Variants in SCN11A observed in about 807,000 individuals in gnomAD.
SCN11A encodes sodium voltage-gated channel alpha subunit 11, also known as sodium channel protein type 11 subunit alpha.
A neutral mutation model predicts 162.2 loss-of-function variants in SCN11A; 122 were observed. The ratio of observed to expected loss-of-function variants is 0.75; its 90% CI spans 0.65 to 0.87. The LOEUF (loss-of-function observed/expected upper bound fraction) is 0.87. SCN11A is among the 40% of genes least tolerant of loss of function. SCN11A has a pLI of 0.00. For synonymous variants in SCN11A, 758 were observed against 751.5 expected, an observed-to-expected ratio of 1.01 and a Z score of -0.14; for missense variants, 2,015 against 2,181.6, an observed-to-expected ratio of 0.92 and a Z score of 1.52.
chr3:38,870,080 T>C (rs769206368), intron 26 of SCN11A, among the ~76,000 whole-genome samples: 11 of 152,208 alleles, frequency 7.2e-5, no homozygotes, highest in Non-Finnish European at 1.3e-4. Flanking sequence ...GCTTACTCTA[T>C]GGCTTTGGGA....
chr3:39,003,557 T>C (rs112757726), intron 2 of SCN11A, among the ~76,000 whole-genome samples: 2 of 152,232 alleles, frequency 1.3e-5, no homozygotes, highest in Admixed American at 6.5e-5. Flanking sequence ...ACTAATGAGA[T>C]TGCTGGGTTG....
intron 2 of SCN11A, among the ~76,000 whole-genome samples, chr3:38,997,814 T>C (rs573277658): frequency 3.9e-5 from 6 of 152,342 alleles, no homozygotes; most frequent in African/African-American, 1.4e-4. Context: ...AATGGGGCTT[T>C]CCCCACCGTC....
chr3:39,023,583 C>A (rs1325043846), intron 2 of SCN11A, among the ~76,000 whole-genome samples: 1 of 151,474 alleles, frequency 6.6e-6, no homozygotes, highest in Non-Finnish European at 1.5e-5. Context: ...AAGAAAAAAT[C>A]AAGCAGAATA....
chr3:38,855,352 C>A (rs985488168), intron 28 of SCN11A, among the ~76,000 whole-genome samples: 9 of 152,226 alleles, frequency 5.9e-5, no homozygotes, highest in Admixed American at 1.3e-4. Context: ...TCATCCCCCA[C>A]AGTGGTTATG....
At chr3:38,899,088 T>C (rs1421214812) in intron 17 of SCN11A, among the ~76,000 whole-genome samples, 1 of 152,128 alleles carries the variant, frequency 6.6e-6, no homozygotes. Flanking sequence ...TCTTACTCTA[T>C]AGGCTTAAAA....
chr3:38,945,602 T>G (rs986124595), intron 6 of SCN11A, 90 bp from the exon 7 acceptor site: 2 of 733,060 alleles, frequency 2.7e-6, no homozygotes, highest in Non-Finnish European at 4.3e-6. Context: ...GATGGTCCCC[T>G]TTTCTGCAGG....
chr3:38,929,094 T>C (rs553813104), intron 7 of SCN11A, among the ~76,000 whole-genome samples: 2 of 149,278 alleles, frequency 1.3e-5, no homozygotes, highest in Non-Finnish European at 3.0e-5. Flanking sequence ...CTTACATCTT[T>C]TTTATATTCC....
At chr3:38,912,513 G>A (rs939133027) in intron 11 of SCN11A, among the ~76,000 whole-genome samples, 1 of 151,860 alleles carries the variant, frequency 6.6e-6, no homozygotes, top group Non-Finnish European at 1.5e-5. Flanking sequence ...GCGTACATGT[G>A]CAGGTTTGTT....
chr3:38,887,441 TG>T (rs1276323469), intron 19 of SCN11A, among the ~76,000 whole-genome samples: 2 of 66,206 alleles, frequency 3.0e-5, no homozygotes, highest in Non-Finnish European at 5.7e-5. Context: ...TGTTGTGGGG[TG>T]GGGGGAGGGG....
chr3:38,922,719 T>C (rs563556480), intron 9 of SCN11A, among the ~76,000 whole-genome samples: 1 of 152,260 alleles, frequency 6.6e-6, no homozygotes, highest in East Asian at 1.9e-4. Flanking sequence ...ATAAATTGTA[T>C]ATAAAGTGTC....
chr3:38,924,271 C>A (rs2066101271), intron 9 of SCN11A, among the ~76,000 whole-genome samples: 1 of 151,906 alleles, frequency 6.6e-6, no homozygotes, highest in African/African-American at 2.4e-5. Context: ...ATGGCACAAT[C>A]TTGGCTCACT....
chr3:39,042,973 A>AAAAAAAAAAAAAAAAAAAAG (rs2032090186), intron 1 of SCN11A, among the ~76,000 whole-genome samples: 1 of 141,204 alleles, frequency 7.1e-6, no homozygotes, highest in African/African-American at 2.5e-5. Flanking sequence ...AAAAAAAAAA[A>AAAAAAAAAAAAAAAAAAAAG]AAAAAAGAAA....
chr3:38,995,271 C>G (rs2030590524), intron 2 of SCN11A, among the ~76,000 whole-genome samples: 1 of 152,044 alleles, frequency 6.6e-6, no homozygotes, highest in African/African-American at 2.4e-5. Flanking sequence ...CAGGCACCCA[C>G]CACCATGCCC....
intron 2 of SCN11A, among the ~76,000 whole-genome samples, chr3:39,020,193 T>G (rs2031411796): frequency 1.3e-5 from 2 of 152,226 alleles, no homozygotes; most frequent in African/African-American, 2.4e-5. Flanking sequence ...TAGCGCATAG[T>G]AAGCATTCAA....
chr3:38,987,295 TCTCTCTCTCACACA>T lies in SCN11A; in HGVS notation c.-279-26886_-279-26873del, dbSNP rs1382616289. On this transcript the variant is annotated intron_variant, in intron 2 of 29. Transcript: ENST00000302328. ...CAGTGCCTTTCTCTCTCTCTCTCTCTCTCTCTCTCACACACACACACACACACACACACACACAC... is the reference window on the plus strand; with the variant it reads ...CAGTGCCTTTCTCTCTCTCTCTCTCTCACACACACACACACACACACACAC... Among the ~76,000 whole-genome samples, 9 of 116,558 alleles carry T rather than the reference TCTCTCTCTCACACA, an allele frequency of 7.7e-5. No homozygotes were observed. In the East Asian group the frequency reaches 2.2e-3, roughly 29 times the overall value. 76.5% of individuals were successfully genotyped at this position (116,558 alleles called of 152,430 possible).
At chr3:39,040,032 A>G (rs375417592) in intron 1 of SCN11A, among the ~76,000 whole-genome samples, 1 of 152,164 alleles carries the variant, frequency 6.6e-6, no homozygotes, top group Non-Finnish European at 1.5e-5. Flanking sequence ...TGTGTTCCTC[A>G]GGGCTGGTGC....
intron 2 of SCN11A, among the ~76,000 whole-genome samples, chr3:38,977,270 A>G (rs2066855154): frequency 1.3e-5 from 2 of 152,154 alleles, no homozygotes; most frequent in Non-Finnish European, 2.9e-5. Context: ...TTCTCTAGCC[A>G]GTTGGCCTGC....
At chr3:38,971,723 C>T (rs926787701) in intron 2 of SCN11A, among the ~76,000 whole-genome samples, 3 of 152,204 alleles carry the variant, frequency 2.0e-5, no homozygotes, top group Non-Finnish European at 2.9e-5. Context: ...TCCTCCCCTC[C>T]CTGTTTCTTG....
At chr3:39,051,094 G>A (rs1399001803) in intron 1 of SCN11A, among the ~76,000 whole-genome samples, 1 of 151,108 alleles carries the variant, frequency 6.6e-6, no homozygotes, top group Non-Finnish European at 1.5e-5. Flanking sequence ...TACCGTTTTC[G>A]CCTTCCTATA....
Sources: allele counts gnomAD v4.1 joint callset (sites outside exome capture counted in the v4.1 genomes callset), GRCh38; gene constraint gnomAD v4.1.1; transcripts MANE v1.5; gene names NCBI Gene and HGNC (gene_info 2026-07-23, HGNC 2026-07-21).